ARHGEF28: variants seen among roughly 807,000 people sequenced by gnomAD.
ARHGEF28 encodes the protein Rho guanine nucleotide exchange factor 28.
ARHGEF28 carries 152 observed loss-of-function variants against 206.6 expected under a neutral mutation model. The observed-to-expected ratio is 0.74, with a 90% confidence interval of 0.64 to 0.84. The LOEUF (loss-of-function observed/expected upper bound fraction) is 0.84. Among genes scored for constraint, ARHGEF28 ranks in the 40% least tolerant of loss-of-function variants. The probability of loss-of-function intolerance (pLI) is 0.00; values close to 1 mark genes in which losing one functional copy is unlikely to be tolerated. For synonymous variants in ARHGEF28, 763 were observed against 776.4 expected, an observed-to-expected ratio of 0.98 and a Z score of 0.29; for missense variants, 2,028 against 2,073.2, an observed-to-expected ratio of 0.98 and a Z score of 0.42.
At chr5:73,834,542 C>CTCTGTGTGTGTGTGTGTG (rs1455818141) in intron 10 of ARHGEF28, among the ~76,000 whole-genome samples, 8 of 146,214 alleles carry the variant, frequency 5.5e-5, no homozygotes, top group African/African-American at 2.0e-4. Flanking sequence ...AATAATATTC[C>CTCTGTGTGTGTGTGTGTG]TGTGTGTGTG....
chr5:73,735,810 C>T (rs962504238), intron 2 of ARHGEF28, among the ~76,000 whole-genome samples: 1 of 152,226 alleles, frequency 6.6e-6, no homozygotes, highest in Admixed American at 6.5e-5. Context: ...GAATCACAGC[C>T]TGGCGATAAT....
intron 4 of ARHGEF28, among the ~76,000 whole-genome samples, chr5:73,768,152 G>T (rs1296138210): frequency 6.6e-6 from 1 of 152,194 alleles, no homozygotes; most frequent in Non-Finnish European, 1.5e-5. Flanking sequence ...TGCTGCAGGG[G>T]TGGGGCTTTC....
At chr5:73,704,487 C>A (rs1402746833) in intron 2 of ARHGEF28, among the ~76,000 whole-genome samples, 1 of 152,044 alleles carries the variant, frequency 6.6e-6, no homozygotes, top group South Asian at 2.1e-4. Context: ...TGCAGTGGAG[C>A]GACCTTGGCT....
chr5:73,785,748 G>A (rs761725172), intron 7 of ARHGEF28, among the ~76,000 whole-genome samples: 1 of 152,114 alleles, frequency 6.6e-6, no homozygotes, highest in African/African-American at 2.4e-5. Flanking sequence ...TACTTTGTTG[G>A]CTTCTCCCCA....
intron 9 of ARHGEF28, chr5:73,803,643 A>G (rs1456963614): frequency 6.4e-6 from 1 of 155,194 alleles, no homozygotes; most frequent in Non-Finnish European, 1.5e-5. Context: ...CACTGCTGTC[A>G]GAATCTATTC....
intron 22 of ARHGEF28, among the ~76,000 whole-genome samples, chr5:73,880,407 C>T (rs912120270): frequency 3.9e-5 from 6 of 152,190 alleles, no homozygotes; most frequent in Non-Finnish European, 5.9e-5. Flanking sequence ...CGCCCTGCTT[C>T]AGCTCACGCA....
chr5:73,720,911 C>A (rs1255270884), intron 2 of ARHGEF28, among the ~76,000 whole-genome samples: 1 of 152,202 alleles, frequency 6.6e-6, no homozygotes, highest in African/African-American at 2.4e-5. Context: ...TTGGGAGAAT[C>A]TGAAAGATCC....
At chr5:73,791,456 A>C (rs904034544) in intron 7 of ARHGEF28, among the ~76,000 whole-genome samples, 3 of 152,200 alleles carry the variant, frequency 2.0e-5, no homozygotes, top group Non-Finnish European at 4.4e-5. Context: ...CCAGTGGTGG[A>C]CTTGGTTGTT....
chr5:73,774,755 A>G (rs1753450223), intron 5 of ARHGEF28, among the ~76,000 whole-genome samples: 1 of 152,258 alleles, frequency 6.6e-6, no homozygotes, highest in African/African-American at 2.4e-5. Context: ...AGAAGGATTC[A>G]TATATAGTGA....
At chr5:73,736,180 CAATG>C (rs1264976087) in intron 2 of ARHGEF28, among the ~76,000 whole-genome samples, 1 of 152,214 alleles carries the variant, frequency 6.6e-6, no homozygotes, top group African/African-American at 2.4e-5. Flanking sequence ...TCGAAGTACT[CAATG>C]GATACTCATG....
chr5:73,710,247 C>T (rs143315619), intron 2 of ARHGEF28, among the ~76,000 whole-genome samples: 1,761 of 152,310 alleles, frequency 0.012, 24 homozygotes, highest in African/African-American at 0.036. Flanking sequence ...TTTAGCCCTT[C>T]TAAAAGGTAT....
At chr5:73,672,251 A>G (rs1489944264) in intron 1 of ARHGEF28, among the ~76,000 whole-genome samples, 2 of 152,124 alleles carry the variant, frequency 1.3e-5, no homozygotes, top group African/African-American at 2.4e-5. Flanking sequence ...GAGGCTGATG[A>G]CGTTTGCTCT....
intron 9 of ARHGEF28, among the ~76,000 whole-genome samples, chr5:73,826,839 G>A (rs1177903654): frequency 6.6e-6 from 1 of 152,166 alleles, no homozygotes; most frequent in Non-Finnish European, 1.5e-5. Flanking sequence ...AGGATGGGCT[G>A]ATGAAAATTT....
intron 2 of ARHGEF28, among the ~76,000 whole-genome samples, chr5:73,742,615 G>A: frequency 6.6e-6 from 1 of 151,230 alleles, no homozygotes; most frequent in East Asian, 1.9e-4. Context: ...ATGAGGTCAG[G>A]AGATCGAGAC....
At chr5:73,872,894 CTTTT>C in intron 21 of ARHGEF28, 101 bp from the exon 22 acceptor site, 1 of 1,263,258 alleles carries the variant, frequency 7.9e-7, no homozygotes, top group Non-Finnish European at 1.1e-6. Flanking sequence ...CTAAACATTT[CTTTT>C]TTATTTGCGT....
intron 4 of ARHGEF28, among the ~76,000 whole-genome samples, chr5:73,768,676 A>G (rs1325127757): frequency 1.3e-5 from 2 of 152,010 alleles, no homozygotes; most frequent in African/African-American, 2.4e-5. Flanking sequence ...CTTGTCTCAG[A>G]TGAGACTTTT....
chr5:73,679,566 CAAAA>C (rs552307895), intron 1 of ARHGEF28, among the ~76,000 whole-genome samples: 3 of 62,500 alleles, frequency 4.8e-5, no homozygotes, highest in Admixed American at 1.7e-4. Context: ...GACTCTGTCT[CAAAA>C]AAAAAAAAAA....
intron 4 of ARHGEF28, among the ~76,000 whole-genome samples, chr5:73,770,795 C>T (rs1365680341): frequency 6.6e-6 from 1 of 152,144 alleles, no homozygotes; most frequent in East Asian, 1.9e-4. Flanking sequence ...TTCTCTCTTC[C>T]CCTGCCTTAC....
chr5:73,660,438 A>G (rs1274633680), intron 1 of ARHGEF28, among the ~76,000 whole-genome samples: 1 of 152,072 alleles, frequency 6.6e-6, no homozygotes, highest in Non-Finnish European at 1.5e-5. Flanking sequence ...GTTGGAATCA[A>G]CTTCTTTCAA....
Sources: allele counts gnomAD v4.1 joint callset (sites outside exome capture counted in the v4.1 genomes callset), GRCh38; gene constraint gnomAD v4.1.1; transcripts MANE v1.5; gene names NCBI Gene and HGNC (gene_info 2026-07-23, HGNC 2026-07-21).